The following RARB variants were observed in gnomAD, a reference collection of about 807,000 sequenced individuals.
RARB encodes retinoic acid receptor beta.
Under a neutral mutation model 51.9 loss-of-function variants are expected in RARB, and 17 were observed. That is an observed-to-expected ratio of 0.33 (90% CI 0.22 to 0.49). The LOEUF is 0.49. Among genes scored for constraint, RARB ranks in the 20% least tolerant of loss-of-function variants. The pLI is 0.99. For synonymous variants in RARB, 215 were observed against 195.4 expected (o/e 1.10, Z -0.84); for missense variants, 369 against 550.8 (o/e 0.67, Z 3.30).
chr3:25,461,479 G>C (rs1439825810), intron 2 of RARB, 138 bp downstream of exon 2: 1 of 1,019,532 alleles, frequency 9.8e-7, no homozygotes, highest in East Asian at 2.6e-5. Context: ...ATATTCAGTG[G>C]TTTTTATTAC....
intron 2 of RARB, among the ~76,000 whole-genome samples, chr3:24,862,880 A>T (rs1254602874): frequency 6.6e-6 from 1 of 152,222 alleles, no homozygotes; most frequent in Non-Finnish European, 1.5e-5. Context: ...ATTCCAAAGC[A>T]GGTCATTCAG....
chr3:25,409,440 A>G (rs562807184), intron 5 of RARB, among the ~76,000 whole-genome samples: 48 of 152,098 alleles, frequency 3.2e-4, no homozygotes, highest in Non-Finnish European at 6.5e-4. Context: ...GAACACATTC[A>G]TCATAGACTC....
At chr3:25,316,174 G>A (rs918032254) in intron 5 of RARB, among the ~76,000 whole-genome samples, 1 of 152,136 alleles carries the variant, frequency 6.6e-6, no homozygotes. Flanking sequence ...CCCACAGGTT[G>A]ATCTGAGGAC....
At chr3:25,336,262 T>C (rs1300346056) in intron 5 of RARB, among the ~76,000 whole-genome samples, 1 of 152,196 alleles carries the variant, frequency 6.6e-6, no homozygotes, top group Non-Finnish European at 1.5e-5. Flanking sequence ...TTACACCTTT[T>C]CTTTTAGAGA....
chr3:25,498,262 C>T (rs755387625), intron 2 of RARB, among the ~76,000 whole-genome samples: 86 of 152,080 alleles, frequency 5.7e-4, no homozygotes, highest in Non-Finnish European at 1.1e-3. Context: ...GATAACTGCC[C>T]CCACCCCCTA....
At chr3:25,035,281 C>G (rs1417353154) in intron 2 of RARB, among the ~76,000 whole-genome samples, 1 of 152,050 alleles carries the variant, frequency 6.6e-6, no homozygotes, top group Non-Finnish European at 1.5e-5. Flanking sequence ...GCCACCAACC[C>G]TGGATAATTT....
chr3:25,028,482 C>T (rs551760670), intron 2 of RARB, among the ~76,000 whole-genome samples: 12 of 152,286 alleles, frequency 7.9e-5, no homozygotes, highest in Non-Finnish European at 1.6e-4. Context: ...GAGGCAGAGT[C>T]GTTGCCAATA....
chr3:25,000,574 G>T (rs1433297336), intron 2 of RARB, among the ~76,000 whole-genome samples: 6 of 151,838 alleles, frequency 4.0e-5, no homozygotes, highest in African/African-American at 1.5e-4. Context: ...TTTTAAAATT[G>T]GTGACTGTAA....
Position 25,139,235 on chromosome 3 carries a change from A to G in RARB, c.-280+7027A>G, listed in dbSNP as rs144948852. Among the ~76,000 whole-genome samples, 401 of 152,268 alleles carry G rather than the reference A, an allele frequency of 2.6e-3. 2 individuals are homozygous for G. The highest frequency in any genetic ancestry group is 9.0e-3 in the African/African-American group (374 of 41,562). ...AAGAGTAACAAGTCTCACCTTTTAA[A>G]TCAAAAGCTAGAAATGATTAAACTT... On this transcript the variant is annotated intron_variant, in intron 4 of 11. Coordinates refer to the RARB transcript ENST00000383772.
At chr3:25,387,045 C>T (rs1188047877) in intron 5 of RARB, among the ~76,000 whole-genome samples, 1 of 152,168 alleles carries the variant, frequency 6.6e-6, no homozygotes, top group African/African-American at 2.4e-5. Flanking sequence ...TAATTTAAGA[C>T]CAGTTCTGCC....
intron 2 of RARB, among the ~76,000 whole-genome samples, chr3:24,894,068 T>C (rs1343170045): frequency 6.6e-6 from 1 of 152,194 alleles, no homozygotes; most frequent in African/African-American, 2.4e-5. Context: ...TTATTTCCTA[T>C]ACATTTTTAG....
intron 4 of RARB, among the ~76,000 whole-genome samples, chr3:25,156,672 A>AT (rs1700380591): frequency 1.3e-5 from 2 of 152,288 alleles, no homozygotes; most frequent in South Asian, 4.1e-4. Flanking sequence ...CCTACAACAC[A>AT]TTAAAAAAAT....
chr3:24,946,117 C>T (rs779744916), intron 2 of RARB, among the ~76,000 whole-genome samples: 1 of 151,812 alleles, frequency 6.6e-6, no homozygotes, highest in Non-Finnish European at 1.5e-5. Context: ...TACAGAAAAT[C>T]AGCCAGGTGT....
intron 2 of RARB, among the ~76,000 whole-genome samples, chr3:24,966,828 T>A (rs914182531): frequency 3.3e-5 from 5 of 152,168 alleles, no homozygotes; most frequent in African/African-American, 1.2e-4. Context: ...CTGTAATATG[T>A]TAAAAATCAT....
At chr3:24,944,856 G>A (rs1225867191) in intron 2 of RARB, among the ~76,000 whole-genome samples, 1 of 152,174 alleles carries the variant, frequency 6.6e-6, no homozygotes, top group African/African-American at 2.4e-5. Flanking sequence ...ATTCAGGGAG[G>A]AAGAGAGGCA....
chr3:25,289,365 A>T (rs2125420830), intron 5 of RARB, among the ~76,000 whole-genome samples: 1 of 152,300 alleles, frequency 6.6e-6, no homozygotes, highest in Middle Eastern at 3.4e-3. Flanking sequence ...TATCCAAGAG[A>T]CAGAGTATCC....
upstream of RARB, chr3:25,428,152 C>A: frequency 1.9e-6 from 2 of 1,041,848 alleles, no homozygotes; most frequent in East Asian, 3.3e-5. Flanking sequence ...CTGTGAGAAT[C>A]CTGGGAGTTG....
At chr3:25,395,599 A>G (rs192334057) in intron 5 of RARB, among the ~76,000 whole-genome samples, 29 of 150,838 alleles carry the variant, frequency 1.9e-4, no homozygotes, top group African/African-American at 6.1e-4. Context: ...TTCATTTTTT[A>G]AATTCTTTTT....
intron 5 of RARB, among the ~76,000 whole-genome samples, chr3:25,411,574 C>A (rs1707563595): frequency 6.6e-6 from 1 of 152,238 alleles, no homozygotes; most frequent in Non-Finnish European, 1.5e-5. Flanking sequence ...CAGCTGACAT[C>A]TCTGGCCTCA....
Sources: allele counts gnomAD v4.1 joint callset (sites outside exome capture counted in the v4.1 genomes callset), GRCh38; gene constraint gnomAD v4.1.1; transcripts MANE v1.5; gene names NCBI Gene and HGNC (gene_info 2026-07-23, HGNC 2026-07-21).